The following ADGRG3 variants were observed in gnomAD, a reference collection of about 807,000 sequenced individuals.
ADGRG3 encodes the protein adhesion G protein-coupled receptor G3, also known as G protein-coupled receptor 97.
ADGRG3 carries 39 observed loss-of-function variants against 54.3 expected under a neutral mutation model. That is an observed-to-expected ratio of 0.72 (90% CI 0.56 to 0.94). The LOEUF (loss-of-function observed/expected upper bound fraction) is 0.94, where lower values mean the gene tolerates loss of function less well. Ranked by LOEUF, ADGRG3 falls within the 40% of genes least tolerant of loss-of-function variation. ADGRG3 has a pLI of 0.00. For synonymous variants in ADGRG3, 312 were observed against 290.0 expected (o/e 1.08, Z -0.77); for missense variants, 654 against 694.6 (o/e 0.94, Z 0.66).
chr16:57,680,657 C>T, intron 8 of ADGRG3, 40 bp downstream of exon 8: 2 of 1,387,430 alleles, frequency 1.4e-6, no homozygotes, highest in Non-Finnish European at 2.1e-6. Flanking sequence ...TCCCTCCCGC[C>T]CTCAAGGGAG....
chr16:57,679,205 G>A lies in ADGRG3; in HGVS notation c.521G>A (p.Ser174Asn). The change falls in exon 5 of 12, where the codon AGC (serine) becomes AAC (asparagine). Residue 174 changes from serine (S) to asparagine (N), a missense_variant. Physicochemically the swap from Ser to Asn is conservative, Grantham distance 46. Coordinates refer to ENST00000333493, the MANE Select transcript of ADGRG3 (RefSeq NM_170776.5). Reference protein sequence around the residue: ...KGPRLGLGDGSGVLNNRLVGL... With the variant: ...KGPRLGLGDGNGVLNNRLVGL... ...CCCCGGCTCGGCCTGGGAGATGGCAGCGGCGTGTTGAACAATCGCCTGGTG... is the reference window on the plus strand; with the variant it reads ...CCCCGGCTCGGCCTGGGAGATGGCAACGGCGTGTTGAACAATCGCCTGGTG... 1 of 1,613,998 alleles carries A rather than the reference G, an allele frequency of 6.2e-7. No homozygotes were observed. The highest frequency in any genetic ancestry group is 1.1e-5 in the South Asian group (1 of 91,086).
chr16:57,676,743 C>A (rs1412705504), intron 3 of ADGRG3, among the ~76,000 whole-genome samples: 2 of 152,186 alleles, frequency 1.3e-5, no homozygotes, highest in African/African-American at 4.8e-5. Context: ...TGCACACCCG[C>A]AATTTCAGCA....
chr16:57,673,538 G>C (rs2048201183), intron 2 of ADGRG3, 70 bp downstream of exon 2: 2 of 1,433,378 alleles, frequency 1.4e-6, no homozygotes, highest in African/African-American at 2.8e-5. Flanking sequence ...GAAGGGATGG[G>C]GCCATCTTCC....
intron 2 of ADGRG3, chr16:57,674,662 A>C: frequency 2.4e-6 from 1 of 417,572 alleles, no homozygotes; most frequent in Non-Finnish European, 4.8e-6. Context: ...ATATGCCCAA[A>C]AGAATTTAAA....
At chr16:57,666,808 G>A (rs1374143544), upstream of ADGRG3, among the ~76,000 whole-genome samples, 3 of 152,166 alleles carry the variant, frequency 2.0e-5, no homozygotes, top group African/African-American at 4.8e-5. Context: ...CTGGCTGCTC[G>A]GAATCTCAGT....
At chr16:57,687,811 A>C (rs1050728721) in intron 11 of ADGRG3, among the ~76,000 whole-genome samples, 1 of 152,138 alleles carries the variant, frequency 6.6e-6, no homozygotes, top group South Asian at 2.1e-4. Flanking sequence ...CACTCTACTA[A>C]GTTTCCACTG....
chr16:57,665,824 A>G (rs2048042078), upstream of ADGRG3, among the ~76,000 whole-genome samples: 1 of 152,086 alleles, frequency 6.6e-6, no homozygotes, highest in African/African-American at 2.4e-5. Flanking sequence ...AGAGGCTCAG[A>G]GTCTTGGATT....
At chr16:57,679,573 G>T (rs1466429093) in intron 5 of ADGRG3, among the ~76,000 whole-genome samples, 1 of 152,128 alleles carries the variant, frequency 6.6e-6, no homozygotes, top group African/African-American at 2.4e-5. Flanking sequence ...ACGCACACAT[G>T]CATGCAGACA....
intron 3 of ADGRG3, among the ~76,000 whole-genome samples, chr16:57,677,262 G>A (rs1372178204): frequency 1.3e-5 from 2 of 152,154 alleles, no homozygotes; most frequent in East Asian, 3.9e-4. Flanking sequence ...AGCCCTTAGG[G>A]GAACAGGGAG....
chr16:57,684,782 A>G (rs1310981711), intron 10 of ADGRG3, among the ~76,000 whole-genome samples: 9 of 152,132 alleles, frequency 5.9e-5, no homozygotes, highest in Non-Finnish European at 1.2e-4. Flanking sequence ...CTTGAGGCAA[A>G]GTAAAGAAGG....
chr16:57,672,548 A>C (rs2048181716), intron 1 of ADGRG3, among the ~76,000 whole-genome samples: 1 of 152,190 alleles, frequency 6.6e-6, no homozygotes. Flanking sequence ...GGAATGTATT[A>C]TTAGCTCCAT....
intron 3 of ADGRG3, among the ~76,000 whole-genome samples, chr16:57,677,269 G>A (rs1228043316): frequency 6.6e-6 from 1 of 152,164 alleles, no homozygotes; most frequent in African/African-American, 2.4e-5. Flanking sequence ...AGGGGAACAG[G>A]GAGCTCAGAG....
At chr16:57,671,203 A>C (rs1228318680) in intron 1 of ADGRG3, among the ~76,000 whole-genome samples, 2 of 152,218 alleles carry the variant, frequency 1.3e-5, no homozygotes, top group East Asian at 3.8e-4. Flanking sequence ...GCTATAGAAT[A>C]ATAGGCATGT....
chr16:57,670,139 T>C (rs2048127862), intron 1 of ADGRG3, among the ~76,000 whole-genome samples: 3 of 152,142 alleles, frequency 2.0e-5, no homozygotes. Flanking sequence ...CCCTCTGACC[T>C]CCAGTCCACT....
rs1379571483 is a variant in ADGRG3 at position 57,688,964 on chromosome 16, GTCTGCCCCTGGTC to G, written c.*511_*523del. ...GGGTGGGAGTTGATCCTCCCACCCA[GTCTGCCCCTGGTC>G]TCTGCCCATCCAATCAGAGCCCACC... On this transcript the variant is annotated 3_prime_UTR_variant, in exon 12 of 12. Coordinates refer to ENST00000333493, the MANE Select transcript of ADGRG3 (RefSeq NM_170776.5). 6.3e-6 allele frequency: 1 copy of G among 159,910 alleles called. No individual in the cohort carries two copies. Among genetic ancestry groups the G allele is most frequent in the African/African-American group, 2.4e-5 (1 of 41,594 alleles). The allele number at this position is 159,910 out of a possible 1,614,324, so 9.9% of individuals were successfully genotyped here.
rs1161152250 is a variant in ADGRG3, at chr16:57,673,366, G to A, written c.104G>A (p.Ser35Asn). Residue 35 changes from serine to asparagine, a missense_variant, in exon 2 of 12, where the codon AGC (serine) becomes AAC (asparagine). Coordinates refer to ENST00000333493, the MANE Select transcript of ADGRG3 (RefSeq NM_170776.5). ...GGGCCAAGAAACACCTGCCTGGGGA[G>A]CAACAACATGTACGACATCTTCAAC... ...TEGPRNTCLG[S>N]NNMYDIFNLN... 22 of 1,613,814 alleles carry A rather than the reference G, an allele frequency of 1.4e-5. No homozygotes were observed. Among genetic ancestry groups the A allele is most frequent in the Non-Finnish European group, 1.9e-5 (22 of 1,179,830 alleles).
upstream of ADGRG3, among the ~76,000 whole-genome samples, chr16:57,666,148 AG>A (rs1321849539): frequency 1.3e-5 from 2 of 152,052 alleles, no homozygotes; most frequent in Non-Finnish European, 2.9e-5. Context: ...GGTCTCCGTG[AG>A]GGGGGTCTCT....
At chr16:57,675,290 G>T (rs189088001) in intron 2 of ADGRG3, among the ~76,000 whole-genome samples, 1 of 152,144 alleles carries the variant, frequency 6.6e-6, no homozygotes, top group East Asian at 1.9e-4. Flanking sequence ...ACCAGCCTGG[G>T]CAACAGAGTG....
At position 57,679,881 on chromosome 16, in the gene ADGRG3, G is replaced by T. The variant is rs199823528; in HGVS notation, c.667+26G>T. ...GTAGGGCCCGGAGGACCTTCTCTGG[G>T]GTAAGACAGGAAGGGAGGGTATGGG... On this transcript the variant is annotated intron_variant, in intron 6 of 11. Transcript: ENST00000333493. The T allele has an allele frequency of 1.2e-5, 19 of 1,580,688 alleles. 1 individual carries two copies. In the African/African-American group the frequency reaches 2.4e-4, roughly 20 times the overall value.
Sources: gnomAD v4.1 joint callset for allele counts (sites outside exome capture counted in the v4.1 genomes callset) on GRCh38, gnomAD v4.1.1 for gene constraint, MANE v1.5 for transcripts, NCBI Gene and HGNC (gene_info 2026-07-23, HGNC 2026-07-21) for gene names.